The following RORA variants were observed in gnomAD, a reference collection of about 807,000 sequenced individuals.
The protein encoded by RORA is nuclear receptor ROR-alpha.
In RORA, 7 loss-of-function variants were observed where a neutral mutation model predicts 69.5. The ratio of observed to expected loss-of-function variants is 0.10; its 90% CI spans 0.06 to 0.19. RORA has a LOEUF of 0.19. Ranked by LOEUF, RORA falls within the 10% of genes least tolerant of loss-of-function variation. The pLI is 1.00. For missense variants in RORA, 457 were observed against 663.0 expected (o/e 0.69, Z 3.41); for synonymous variants, 261 against 240.8 (o/e 1.08, Z -0.78).
Position 60,591,909 on chromosome 15 carries a change from G to A in RORA, c.197-60058C>T, listed in dbSNP as rs540164509. 5.9e-5 allele frequency among the ~76,000 whole-genome samples: 9 copies of A among 152,060 alleles called. No individual in the cohort carries two copies. The East Asian group carries it at 1.4e-3, about 23-fold the overall frequency. On this transcript the variant is annotated intron_variant, in intron 2 of 10. Coordinates refer to ENST00000335670, the MANE Select transcript of RORA (RefSeq NM_134261.3). ...AGGCCTGGGGCGCTGACCAGTCCCC[G>A]GGGATGACATCGCGACAACGCGCAC...
At chr15:61,190,475 C>T (rs1167530506) in intron 1 of RORA, among the ~76,000 whole-genome samples, 4 of 152,120 alleles carry the variant, frequency 2.6e-5, no homozygotes, top group East Asian at 1.9e-4. Context: ...GTTCAAAGGA[C>T]GCTGGGCATG....
chr15:61,108,770 C>T (rs1245564889), intron 1 of RORA, among the ~76,000 whole-genome samples: 2 of 152,150 alleles, frequency 1.3e-5, no homozygotes, highest in East Asian at 3.9e-4. Context: ...CTTCAAAGAA[C>T]GATAATCACC....
At chr15:61,201,197 C>A (rs1237999448) in intron 1 of RORA, among the ~76,000 whole-genome samples, 2 of 152,306 alleles carry the variant, frequency 1.3e-5, no homozygotes, top group East Asian at 3.9e-4. Context: ...CAAAGTCAGG[C>A]CAGGCTGACC....
chr15:60,595,609 TG>T (rs1263667622), intron 2 of RORA, among the ~76,000 whole-genome samples: 1 of 151,622 alleles, frequency 6.6e-6, no homozygotes, highest in East Asian at 1.9e-4. Flanking sequence ...ATTAAATAAA[TG>T]CTTATGAGTA....
intron 2 of RORA, among the ~76,000 whole-genome samples, chr15:60,611,558 G>GAAA: frequency 4.1e-4 from 1 of 2,456 alleles, no homozygotes; most frequent in African/African-American, 2.0e-3. Flanking sequence ...CTTGAGTTTT[G>GAAA]CAAAAAAAAA....
chr15:60,531,882 C>T lies in RORA; in HGVS notation c.197-31G>A. On this transcript the variant is annotated intron_variant, in intron 2 of 10. Coordinates refer to ENST00000335670, the MANE Select transcript of RORA (RefSeq NM_134261.3). The surrounding 1 kb of genome is among the most constrained non-coding windows in gnomAD (Gnocchi z 4.8). ...ACAGAAGCACGCAACCAGTTAATTA[C>T]ATTTTCTTTTAAACACCTTATAAAA... 7.0e-7 allele frequency: 1 copy of T among 1,422,244 alleles called. No individual in the cohort carries two copies. 88.1% of individuals were successfully genotyped at this position (1,422,244 alleles called of 1,614,324 possible).
intron 2 of RORA, among the ~76,000 whole-genome samples, chr15:60,532,478 G>A (rs1193050810): frequency 6.6e-6 from 1 of 152,134 alleles, no homozygotes; most frequent in Non-Finnish European, 1.5e-5. Flanking sequence ...AGGATGTGTT[G>A]CTTCTGAGTT....
chr15:60,910,676 C>G (rs912404251), intron 1 of RORA, among the ~76,000 whole-genome samples: 1 of 152,144 alleles, frequency 6.6e-6, no homozygotes, highest in Non-Finnish European at 1.5e-5. Flanking sequence ...AAGGTACAAA[C>G]CCAGATTGGC....
At chr15:60,998,681 G>A (rs1894646480) in intron 1 of RORA, among the ~76,000 whole-genome samples, 1 of 151,280 alleles carries the variant, frequency 6.6e-6, no homozygotes, top group Middle Eastern at 3.2e-3. Flanking sequence ...TTACAGGCGT[G>A]AGCCACCGCA....
chr15:60,581,120 C>T (rs1456655072), intron 2 of RORA, among the ~76,000 whole-genome samples: 1 of 152,192 alleles, frequency 6.6e-6, no homozygotes, highest in Non-Finnish European at 1.5e-5. Flanking sequence ...CAAACGAAAA[C>T]ATTCTGAAAA....
chr15:60,549,474 C>CTAAA (rs1205969131), intron 2 of RORA, among the ~76,000 whole-genome samples: 1 of 152,164 alleles, frequency 6.6e-6, no homozygotes, highest in Non-Finnish European at 1.5e-5. Flanking sequence ...GACCAAGGTA[C>CTAAA]TAAACTTTGA....
At position 61,131,421 on chromosome 15, in the gene RORA, A is replaced by G. The variant is rs1012417500; in HGVS notation, c.166+97632T>C. Among the ~76,000 whole-genome samples, 9 of 152,230 alleles carry G rather than the reference A, an allele frequency of 5.9e-5. No homozygotes were observed. The highest frequency in any genetic ancestry group is 2.2e-4 in the African/African-American group (9 of 41,454). Reference sequence around the variant, plus strand: ...TTTGCTGGAGCAAGGTGACTCCAGCATTTCTCTAGAGGACACAGCTGCAGG... The same window carrying G: ...TTTGCTGGAGCAAGGTGACTCCAGCGTTTCTCTAGAGGACACAGCTGCAGG... On this transcript the variant is annotated intron_variant, in intron 1 of 10. Transcript: ENST00000335670. This position sits in a 1 kb window ranked among gnomAD's most constrained non-coding sequence, Gnocchi z 4.2.
At chr15:60,785,958 C>T (rs956341503) in intron 1 of RORA, among the ~76,000 whole-genome samples, 2 of 96,480 alleles carry the variant, frequency 2.1e-5, no homozygotes, top group African/African-American at 8.5e-5. Context: ...TCTGGCACCT[C>T]ACAAGGTTGG....
chr15:60,788,261 T>A (rs1272192884), intron 1 of RORA, among the ~76,000 whole-genome samples: 2 of 152,200 alleles, frequency 1.3e-5, no homozygotes, highest in Non-Finnish European at 2.9e-5. Flanking sequence ...TCCCTGATGA[T>A]GCACAAGACA....
chr15:60,858,125 A>G (rs2073399925), intron 1 of RORA, among the ~76,000 whole-genome samples: 1 of 152,224 alleles, frequency 6.6e-6, no homozygotes, highest in African/African-American at 2.4e-5. Flanking sequence ...GCCCATGGCC[A>G]GTATATAACG....
At chr15:60,964,376 G>T (rs1237176364) in intron 1 of RORA, among the ~76,000 whole-genome samples, 1 of 152,196 alleles carries the variant, frequency 6.6e-6, no homozygotes, top group Admixed American at 6.5e-5. Context: ...TAGGATTCGG[G>T]TATGGCTGGT....
At chr15:60,945,116 C>G (rs1355970355) in intron 1 of RORA, among the ~76,000 whole-genome samples, 1 of 152,200 alleles carries the variant, frequency 6.6e-6, no homozygotes, top group African/African-American at 2.4e-5. Flanking sequence ...GCAAATCCAG[C>G]AATATGGGGC....
chr15:60,694,050 T>A (rs910760737), intron 1 of RORA, among the ~76,000 whole-genome samples: 4 of 152,182 alleles, frequency 2.6e-5, no homozygotes, highest in African/African-American at 9.6e-5. Context: ...CAAATTATAC[T>A]ACAAGGCTAC....
intron 6 of RORA, among the ~76,000 whole-genome samples, chr15:60,503,973 C>A (rs2065412413): frequency 6.6e-6 from 1 of 151,910 alleles, no homozygotes; most frequent in African/African-American, 2.4e-5. Context: ...CAGCTAATTT[C>A]TGTATGTTTA....
Sources: allele counts gnomAD v4.1 joint callset (sites outside exome capture counted in the v4.1 genomes callset), GRCh38; gene constraint gnomAD v4.1.1; non-coding constraint Gnocchi (gnomAD v3.1); transcripts MANE v1.5; gene names NCBI Gene and HGNC (gene_info 2026-07-23, HGNC 2026-07-21).